Variants in ST6GAL1 observed in about 807,000 individuals in gnomAD.
ST6GAL1 encodes ST6 beta-galactoside alpha-2,6-sialyltransferase 1.
A neutral mutation model predicts 38.0 loss-of-function variants in ST6GAL1; 20 were observed. The ratio of observed to expected loss-of-function variants is 0.53; its 90% CI spans 0.37 to 0.77. The LOEUF (loss-of-function observed/expected upper bound fraction) is 0.77. Ranked by LOEUF, ST6GAL1 falls within the 30% of genes least tolerant of loss-of-function variation. ST6GAL1 has a pLI of 0.00. For synonymous variants in ST6GAL1, 196 were observed against 188.2 expected (o/e 1.04, Z -0.34); for missense variants, 432 against 496.4 (o/e 0.87, Z 1.23).
chr3:187,076,089 A>G lies in ST6GAL1; in HGVS notation c.*286A>G. On this transcript the variant is annotated 3_prime_UTR_variant, in exon 8 of 8. Transcript: ENST00000169298. ...CCCCGCCTTCCACCTTGGTAGATGC[A>G]AGGTCTATCTCTCCCATCAGGGCTG... 1 of 405,224 alleles carries G rather than the reference A, an allele frequency of 2.5e-6. No individual in the cohort carries two copies. 25.1% of individuals were successfully genotyped at this position (405,224 alleles called of 1,614,324 possible).
chr3:186,979,551 G>A lies in ST6GAL1; in HGVS notation c.-183+15625G>A, dbSNP rs1415750573. 2.0e-5 allele frequency among the ~76,000 whole-genome samples: 3 copies of A among 152,270 alleles called. No homozygotes were observed. The East Asian group carries it at 5.8e-4, about 29-fold the overall frequency. On this transcript the variant is annotated intron_variant, in intron 2 of 7. Transcript: ENST00000169298. ...AGAAGAGGAGTCGAAACAGAGACAG[G>A]AGGAAGTCCAAGACAAACTTTCCTT... is the stretch of plus-strand genomic sequence containing the variant.
At chr3:186,937,487 T>C (rs1375072207) in intron 1 of ST6GAL1, among the ~76,000 whole-genome samples, 1 of 152,200 alleles carries the variant, frequency 6.6e-6, no homozygotes, top group African/African-American at 2.4e-5. Flanking sequence ...TACCCCAGTC[T>C]TCAACGTCTG....
intron 2 of ST6GAL1, among the ~76,000 whole-genome samples, chr3:187,027,723 G>A (rs975736112): frequency 4.6e-5 from 7 of 152,122 alleles, no homozygotes; most frequent in African/African-American, 1.7e-4. Context: ...AGCTCAAACT[G>A]CAGGGGGCTG....
intron 2 of ST6GAL1, among the ~76,000 whole-genome samples, chr3:186,984,817 T>G (rs1210633611): frequency 2.6e-5 from 1 of 38,418 alleles, no homozygotes; most frequent in Non-Finnish European, 5.2e-5. Context: ...CCTTCCTTCC[T>G]TCCTTCCTTC....
At chr3:186,960,553 A>T (rs530035322) in intron 1 of ST6GAL1, among the ~76,000 whole-genome samples, 3 of 152,150 alleles carry the variant, frequency 2.0e-5, no homozygotes, top group Non-Finnish European at 4.4e-5. Context: ...AAACTATATT[A>T]AAATGGCCAG....
At chr3:186,997,415 A>G (rs1716454053) in intron 2 of ST6GAL1, among the ~76,000 whole-genome samples, 1 of 152,116 alleles carries the variant, frequency 6.6e-6, no homozygotes, top group African/African-American at 2.4e-5. Flanking sequence ...CATCTGTCTC[A>G]GGATGGTAAA....
At chr3:187,034,704 T>C (rs984920440) in intron 2 of ST6GAL1, among the ~76,000 whole-genome samples, 6 of 151,970 alleles carry the variant, frequency 3.9e-5, no homozygotes, top group Non-Finnish European at 8.8e-5. Flanking sequence ...AAATCCAAAA[T>C]CCTTTCATCA....
intron 1 of ST6GAL1, among the ~76,000 whole-genome samples, chr3:186,933,561 A>G (rs1022845739): frequency 6.6e-6 from 1 of 152,106 alleles, no homozygotes; most frequent in Non-Finnish European, 1.5e-5. Flanking sequence ...TCCTACATCA[A>G]TTCCTCTTGG....
At chr3:187,031,427 T>C (rs1389244512) in intron 2 of ST6GAL1, among the ~76,000 whole-genome samples, 2 of 152,072 alleles carry the variant, frequency 1.3e-5, no homozygotes, top group African/African-American at 4.8e-5. Flanking sequence ...TGTAATCCCT[T>C]TGAGTGGATT....
At chr3:187,038,216 T>C (rs1226937773) in intron 2 of ST6GAL1, among the ~76,000 whole-genome samples, 1 of 147,964 alleles carries the variant, frequency 6.8e-6, no homozygotes, top group East Asian at 2.0e-4. Context: ...TTTTTTTTTT[T>C]TTCTTTTGAG....
chr3:186,957,407 C>T (rs1267373207), intron 1 of ST6GAL1, among the ~76,000 whole-genome samples: 1 of 152,150 alleles, frequency 6.6e-6, no homozygotes, highest in Non-Finnish European at 1.5e-5. Flanking sequence ...TGTACCACTG[C>T]ACTCCAGCCT....
intron 3 of ST6GAL1, among the ~76,000 whole-genome samples, chr3:187,040,976 G>T (rs902082426): frequency 6.6e-6 from 1 of 152,196 alleles, no homozygotes; most frequent in Admixed American, 6.5e-5. Context: ...CCAGGGAAGA[G>T]CCTGGAGCTC....
chr3:186,964,604 A>G (rs1203648458), intron 2 of ST6GAL1, among the ~76,000 whole-genome samples: 1 of 152,190 alleles, frequency 6.6e-6, no homozygotes, highest in Admixed American at 6.5e-5. Context: ...GTGAGGCAGA[A>G]GGAGAACTTG....
In ST6GAL1 at chr3:187,043,038, T is replaced by C. The variant is rs575421483; in HGVS notation, c.335T>C (p.Ile112Thr). The C allele has an allele frequency of 9.3e-6, 15 of 1,614,126 alleles. No homozygotes were observed. Among genetic ancestry groups the C allele is most frequent in the Admixed American group, 1.7e-5 (1 of 60,010 alleles). ...SKNLIPRLQKIWKNYLSMNKY... is the reference protein window; with the variant it reads ...SKNLIPRLQKTWKNYLSMNKY... ...AACCTTATCCCTAGGCTGCAAAAGATCTGGAAGAATTACCTAAGCATGAAC... is the reference window on the plus strand; with the variant it reads ...AACCTTATCCCTAGGCTGCAAAAGACCTGGAAGAATTACCTAAGCATGAAC... Residue 112 changes from isoleucine (I) to threonine (T), a missense_variant, in exon 4 of 8, where the codon ATC (isoleucine) becomes ACC (threonine). Transcript: ENST00000169298.
chr3:187,016,974 A>G (rs537917523), intron 2 of ST6GAL1, among the ~76,000 whole-genome samples: 15 of 152,328 alleles, frequency 9.8e-5, no homozygotes, highest in African/African-American at 3.6e-4. Flanking sequence ...TGGCCTACTA[A>G]TCAATGTGAA....
intron 1 of ST6GAL1, among the ~76,000 whole-genome samples, chr3:186,940,432 G>A (rs1714127210): frequency 6.6e-6 from 1 of 152,004 alleles, no homozygotes; most frequent in Admixed American, 6.5e-5. Flanking sequence ...ATTTATATAT[G>A]TATTTGTGGC....
At position 187,076,910 on chromosome 3, in the gene ST6GAL1, G is replaced by A. The variant is rs566302221; in HGVS notation, c.*1107G>A. 25 of 398,404 alleles carry A rather than the reference G, an allele frequency of 6.3e-5. No individual in the cohort carries two copies. Among genetic ancestry groups the A allele is most frequent in the Middle Eastern group, 6.3e-4 (1 of 1,584 alleles). The allele number at this position is 398,404 out of a possible 1,614,324, so 24.7% of individuals were successfully genotyped here. A position where few individuals can be genotyped will look rare whatever the true frequency, so the allele number is the denominator to read the frequency against. The stretch of plus-strand genomic sequence containing the variant: ...GGCCTGACCCTGTCCTGTCAGCTGG[G>A]TTTACATACCAGTCCCATTCTTCCT... On this transcript the variant is annotated 3_prime_UTR_variant, in exon 8 of 8. Transcript: ENST00000169298.
chr3:186,931,089 C>G (rs1169226961), intron 1 of ST6GAL1: 1 of 152,070 alleles, frequency 6.6e-6, no homozygotes, highest in East Asian at 1.9e-4. Flanking sequence ...GGATCCACAA[C>G]AAACCCACGT....
intron 1 of ST6GAL1, among the ~76,000 whole-genome samples, chr3:186,947,183 A>T (rs1416102962): frequency 6.6e-6 from 1 of 152,204 alleles, no homozygotes; most frequent in East Asian, 1.9e-4. Flanking sequence ...TACTACACGT[A>T]GATATCTCTA....
Sources: gnomAD v4.1 joint callset for allele counts (sites outside exome capture counted in the v4.1 genomes callset) on GRCh38, gnomAD v4.1.1 for gene constraint, MANE v1.5 for transcripts, NCBI Gene and HGNC (gene_info 2026-07-23, HGNC 2026-07-21) for gene names.